ZBED6: variants seen among roughly 807,000 people sequenced by gnomAD.
ZBED6 encodes the protein zinc finger BED-type containing 6, also known as zinc finger BED domain-containing protein 6.
Under a neutral mutation model 58.4 loss-of-function variants are expected in ZBED6, and 40 were observed. The ratio of observed to expected loss-of-function variants is 0.68; its 90% CI spans 0.53 to 0.89. The LOEUF (loss-of-function observed/expected upper bound fraction) is 0.89, where lower values mean the gene tolerates loss of function less well. ZBED6 is among the 40% of genes least tolerant of loss of function. The pLI is 0.00. For missense variants in ZBED6, 1,057 were observed against 1,003.9 expected, an observed-to-expected ratio of 1.05 and a Z score of -0.71; for synonymous variants, 439 against 350.6, an observed-to-expected ratio of 1.25 and a Z score of -2.82.
intron 2 of ZBED6, 37 bp downstream of exon 2, chr1:203,817,161 A>G: frequency 4.6e-6 from 7 of 1,534,108 alleles, no homozygotes; most frequent in Non-Finnish European, 6.2e-6. Context: ...TCTTTCTACA[A>G]TTTGCTTAAT....
chr1:203,812,350 C>T (rs926131400), intron 1 of ZBED6, among the ~76,000 whole-genome samples: 5 of 152,080 alleles, frequency 3.3e-5, no homozygotes, highest in African/African-American at 9.7e-5. Flanking sequence ...CATTTAGCTC[C>T]CACTTATAAG....
At chr1:203,842,463 C>T (rs1028711024) in intron 11 of ZBED6, among the ~76,000 whole-genome samples, 2 of 151,952 alleles carry the variant, frequency 1.3e-5, no homozygotes, top group African/African-American at 4.8e-5. Context: ...TCAAGTGTGG[C>T]GGCGCGCGCC....
At chr1:203,838,095 T>C in intron 10 of ZBED6, 31 bp downstream of exon 10, 1 of 1,595,020 alleles carries the variant, frequency 6.3e-7, no homozygotes, top group Non-Finnish European at 8.6e-7. Flanking sequence ...TTTGTGTGTG[T>C]ATGTAATTAT....
chr1:203,819,486 T>C, intron 3 of ZBED6, among the ~76,000 whole-genome samples: 1 of 150,520 alleles, frequency 6.6e-6, no homozygotes, highest in Non-Finnish European at 1.5e-5. Context: ...CCTCTGAAAG[T>C]GCTGGGATTA....
At chr1:203,844,740 G>A (rs1687412574) in intron 11 of ZBED6, among the ~76,000 whole-genome samples, 1 of 152,068 alleles carries the variant, frequency 6.6e-6, no homozygotes, top group Admixed American at 6.6e-5. Flanking sequence ...TGGGAGGTCT[G>A]GGGGCTCATA....
exon 1 of ZBED6, chr1:203,799,076 T>C (rs1203420871): frequency 6.5e-7 from 1 of 1,536,124 alleles, no homozygotes; most frequent in Admixed American, 2.0e-5. Context: ...GGATCCCCGA[T>C]TTTAGAAAGT....
chr1:203,840,316 C>T, exon 11 of ZBED6: 1 of 1,612,050 alleles, frequency 6.2e-7, no homozygotes, highest in Non-Finnish European at 8.5e-7. Flanking sequence ...CTCAAGTTTC[C>T]AAGTCTCTTA....
chr1:203,809,779 C>A (rs377560677), intron 1 of ZBED6, among the ~76,000 whole-genome samples: 1 of 151,950 alleles, frequency 6.6e-6, no homozygotes, highest in Admixed American at 6.6e-5. Flanking sequence ...CATGGTGAAA[C>A]CCCGTCTCTA....
chr1:203,798,178 C>T, exon 1 of ZBED6: 2 of 1,536,092 alleles, frequency 1.3e-6, no homozygotes, highest in Non-Finnish European at 8.7e-7. Flanking sequence ...GAATATATTC[C>T]TACTGATCCA....
intron 11 of ZBED6, among the ~76,000 whole-genome samples, chr1:203,841,732 G>A (rs1190297818): frequency 5.3e-5 from 8 of 152,130 alleles, no homozygotes; most frequent in East Asian, 3.9e-4. Flanking sequence ...TAGGGCGGCC[G>A]GGCAGAGGCG....
chr1:203,806,113 C>T (rs1476029565), intron 1 of ZBED6: 2 of 499,752 alleles, frequency 4.0e-6, no homozygotes, highest in South Asian at 1.5e-5. Context: ...AGGACCCCCT[C>T]TCATCTTGAT....
intron 11 of ZBED6, among the ~76,000 whole-genome samples, chr1:203,845,503 A>G (rs1030600170): frequency 6.6e-6 from 1 of 152,220 alleles, no homozygotes; most frequent in African/African-American, 2.4e-5. Context: ...ATTACAGTGT[A>G]CTGAGTGTTC....
chr1:203,822,018 A>G (rs1323841612), intron 3 of ZBED6, among the ~76,000 whole-genome samples: 1 of 152,042 alleles, frequency 6.6e-6, no homozygotes, highest in Non-Finnish European at 1.5e-5. Flanking sequence ...TGGCCTCCCA[A>G]AGTCCTGGGA....
chr1:203,830,968 CAG>C (rs1682136755), intron 7 of ZBED6, among the ~76,000 whole-genome samples: 1 of 36,720 alleles, frequency 2.7e-5, no homozygotes, highest in Non-Finnish European at 4.9e-5. Context: ...TTTTTTGAGA[CAG>C]AGTTTTGCTT....
chr1:203,810,933 C>G lies in ZBED6; in HGVS notation c.*2555-5993C>G, dbSNP rs188371542. Among the ~76,000 whole-genome samples, 284 of 151,134 alleles carry G rather than the reference C, an allele frequency of 1.9e-3. 2 individuals are homozygous for G. The highest frequency in any genetic ancestry group is 6.5e-3 in the African/African-American group (269 of 41,124). The stretch of plus-strand genomic sequence containing the variant: ...ATGACCTGAGGTCAGGAGTTTCACA[C>G]CAGCCTGGCCACTATGGTGAAACTC... On this transcript the variant is annotated intron_variant, in intron 1 of 16. Transcript: ENST00000550078.
At chr1:203,842,502 G>A (rs924069166) in intron 11 of ZBED6, among the ~76,000 whole-genome samples, 1 of 151,932 alleles carries the variant, frequency 6.6e-6, no homozygotes, top group African/African-American at 2.4e-5. Flanking sequence ...GCAGGCTGAG[G>A]CAGGAGAATC....
At chr1:203,822,381 T>C (rs1679071345) in intron 3 of ZBED6, among the ~76,000 whole-genome samples, 3 of 151,946 alleles carry the variant, frequency 2.0e-5, no homozygotes, top group Admixed American at 2.0e-4. Flanking sequence ...TGCTTTACCA[T>C]AGGGACCTCT....
chr1:203,848,269 A>G lies in ZBED6; in HGVS notation c.*4246-62A>G, dbSNP rs543565700. The G allele has an allele frequency of 1.2e-5, 16 of 1,376,734 alleles. No individual in the cohort carries two copies. The Admixed American group carries it at 2.8e-4, about 24-fold the overall frequency. The allele number at this position is 1,376,734 out of a possible 1,614,324, so 85.3% of individuals were successfully genotyped here. A position where few individuals can be genotyped will look rare whatever the true frequency, so the allele number is the denominator to read the frequency against. On this transcript the variant is annotated intron_variant, in intron 12 of 16. Transcript: ENST00000550078. ...TTCATTAAATAAAGTTTTGTTTAAC[A>G]TATCTATCATGAAGTTGCAGCTTAA...
intron 8 of ZBED6, among the ~76,000 whole-genome samples, chr1:203,833,062 TG>T (rs1470084173): frequency 6.6e-6 from 1 of 152,206 alleles, no homozygotes; most frequent in African/African-American, 2.4e-5. Context: ...GGTGAAACCC[TG>T]TCTCTACTAA....
Sources: allele counts gnomAD v4.1 joint callset (sites outside exome capture counted in the v4.1 genomes callset), GRCh38; gene constraint gnomAD v4.1.1; transcripts MANE v1.5; gene names NCBI Gene and HGNC (gene_info 2026-07-23, HGNC 2026-07-21).